Variants in SEPTIN6 observed in about 807,000 individuals in gnomAD.
The protein encoded by SEPTIN6 is septin-6.
A neutral mutation model predicts 33.6 loss-of-function variants in SEPTIN6; 8 were observed. The observed-to-expected ratio is 0.24, with a 90% CI of 0.14 to 0.43. SEPTIN6 has a LOEUF of 0.43. Ranked by LOEUF, SEPTIN6 falls within the 20% of genes least tolerant of loss-of-function variation. The pLI, the probability that SEPTIN6 is intolerant of heterozygous loss-of-function variation, is 1.00. For missense variants in SEPTIN6, 250 were observed against 340.8 expected (o/e 0.73, Z 2.10); for synonymous variants, 131 against 140.0 (o/e 0.94, Z 0.45).
intron 3 of SEPTIN6, among the ~76,000 whole-genome samples, chrX:119,655,167 C>G (rs948904052): frequency 1.8e-5 from 2 of 110,816 alleles, no homozygotes; most frequent in African/African-American, 6.6e-5. Context: ...GCAATTGCCT[C>G]TGGCTCTCGG....
chrX:119,675,863 G>A (rs950920968), intron 1 of SEPTIN6, among the ~76,000 whole-genome samples, 195 bp from the exon 2 acceptor site: 3 of 110,946 alleles, frequency 2.7e-5, no homozygotes, highest in Admixed American at 9.7e-5. Flanking sequence ...TTGGGGACAG[G>A]CATCCTCTAG....
In SEPTIN6 at chrX:119,618,377, C is replaced by T. The variant is rs1043482577; in HGVS notation, c.*1716G>A. On this transcript the variant is annotated 3_prime_UTR_variant, in exon 11 of 11. Transcript: ENST00000394610. ...TCTTGCTTTGTCAACAAGAAAAGTG[C>T]GTGCATATGTTTGCTTTTCATTTTT... 1.8e-5 allele frequency: 15 copies of T among 820,663 alleles called. No homozygotes were observed. Among genetic ancestry groups the T allele is most frequent in the African/African-American group, 2.2e-5 (1 of 46,013 alleles). 67.6% of individuals were successfully genotyped at this position (820,663 alleles called of 1,213,427 possible).
intron 6 of SEPTIN6, among the ~76,000 whole-genome samples, chrX:119,639,767 C>T (rs2147495884): frequency 9.0e-6 from 1 of 111,180 alleles, no homozygotes; most frequent in Non-Finnish European, 1.9e-5. Flanking sequence ...TTTAGTTTTG[C>T]CTCCTTTTGG....
chrX:119,661,077 G>A (rs1195145407), intron 3 of SEPTIN6, among the ~76,000 whole-genome samples: 1 of 91,247 alleles, frequency 1.1e-5, no homozygotes, highest in Non-Finnish European at 2.1e-5. Flanking sequence ...AAGCAGAGAT[G>A]TCTTTTTTCT....
At chrX:119,628,993 C>T in intron 9 of SEPTIN6, 1 of 210,654 alleles carries the variant, frequency 4.7e-6, no homozygotes, top group Non-Finnish European at 8.7e-6. Context: ...TTTTTCTTCC[C>T]TTCTGCTCTC....
chrX:119,624,142 G>C lies in SEPTIN6; in HGVS notation c.*41+1193C>G, dbSNP rs1447840487. On this transcript the variant is annotated intron_variant, in intron 10 of 10. Transcript: ENST00000394610. ...CTTCATTTTCCTCCGCTTTTATTAT[G>C]GGTTTTTTTTTTTTGTTTTTTTTTT... 6 of 199,180 alleles carry C rather than the reference G, an allele frequency of 3.0e-5. No homozygotes were observed. In the East Asian group the frequency reaches 9.3e-4, roughly 31 times the overall value. 16.4% of individuals were successfully genotyped at this position (199,180 alleles called of 1,213,427 possible).
intron 5 of SEPTIN6, among the ~76,000 whole-genome samples, chrX:119,647,123 G>A (rs2147521244): frequency 9.0e-6 from 1 of 110,568 alleles, no homozygotes; most frequent in Admixed American, 9.6e-5. Flanking sequence ...CAGCTACTCG[G>A]GAGGCTGAGG....
chrX:119,653,497 C>A (rs1284925851), intron 3 of SEPTIN6, among the ~76,000 whole-genome samples: 1 of 112,467 alleles, frequency 8.9e-6, no homozygotes, highest in Non-Finnish European at 1.9e-5. Context: ...CCTCGGGGGG[C>A]CCCAACACAG....
intron 5 of SEPTIN6, among the ~76,000 whole-genome samples, chrX:119,647,454 T>C (rs1355363710): frequency 2.0e-5 from 2 of 100,475 alleles, no homozygotes; most frequent in Non-Finnish European, 4.0e-5. Flanking sequence ...TTATTTACTT[T>C]CTTTTTCTTT....
Position 119,663,473 on chromosome X carries a change from C to CAAA in SEPTIN6, c.341+8_341+9insTTT. The CAAA allele has an allele frequency of 8.6e-7, 1 of 1,159,521 alleles. No homozygotes were observed. The highest frequency in any genetic ancestry group is 1.2e-6 in the Non-Finnish European group (1 of 858,438). On this transcript the variant is annotated intron_variant, in intron 3 of 10. Coordinates refer to ENST00000394610, the MANE Select transcript of SEPTIN6 (RefSeq NM_145799.4). ...TCCCCACCCTACCCCACCCCACCGC[C>CAAA]TTCTTTACCTGTCCTCTTTGTTGAT...
At chrX:119,690,356 C>CACACAT (rs1331612027) in intron 1 of SEPTIN6, among the ~76,000 whole-genome samples, 6 of 104,166 alleles carry the variant, frequency 5.8e-5, no homozygotes, top group Admixed American at 2.1e-4. Context: ...CATACACACA[C>CACACAT]ACACACACAC....
At chrX:119,653,139 C>G in intron 3 of SEPTIN6, 99 bp from the exon 4 acceptor site, 1 of 653,729 alleles carries the variant, frequency 1.5e-6, no homozygotes, top group East Asian at 3.4e-5. Flanking sequence ...AATCTTGACT[C>G]TCTCCCATCC....
chrX:119,683,024 G>A (rs952028520), intron 1 of SEPTIN6, among the ~76,000 whole-genome samples: 2 of 111,945 alleles, frequency 1.8e-5, no homozygotes, highest in Admixed American at 9.5e-5. Flanking sequence ...AGGCCAAGGC[G>A]GGCAGATTAC....
intron 1 of SEPTIN6, among the ~76,000 whole-genome samples, chrX:119,680,195 T>TTTTATTTA (rs201992348): frequency 3.5e-3 from 343 of 96,910 alleles, no homozygotes; most frequent in Middle Eastern, 5.0e-3. Flanking sequence ...ACACTCTTAA[T>TTTTATTTA]TTTATTTATT....
At chrX:119,684,793 G>A (rs1478207228) in intron 1 of SEPTIN6, among the ~76,000 whole-genome samples, 1 of 111,718 alleles carries the variant, frequency 9.0e-6, no homozygotes, top group Non-Finnish European at 1.9e-5. Context: ...ACACAGCCAA[G>A]TTCCCACAGG....
At chrX:119,658,383 A>G (rs1402591008) in intron 3 of SEPTIN6, among the ~76,000 whole-genome samples, 1 of 111,806 alleles carries the variant, frequency 8.9e-6, no homozygotes, top group Non-Finnish European at 1.9e-5. Flanking sequence ...ATTCTATTAA[A>G]CTGCCAAACA....
At chrX:119,650,526 T>C (rs1398492102) in intron 4 of SEPTIN6, among the ~76,000 whole-genome samples, 1 of 111,925 alleles carries the variant, frequency 8.9e-6, no homozygotes, top group Non-Finnish European at 1.9e-5. Context: ...TATGTTATCT[T>C]GGTATCAAGG....
intron 5 of SEPTIN6, among the ~76,000 whole-genome samples, chrX:119,641,243 TC>T (rs1281139968): frequency 1.8e-5 from 2 of 111,083 alleles, no homozygotes; most frequent in South Asian, 7.5e-4. Context: ...CAAGACTAGG[TC>T]CATACTGAGA....
chrX:119,617,785 C>T lies in SEPTIN6; in HGVS notation c.*2308G>A. The stretch of plus-strand genomic sequence containing the variant: ...TCCCTTCTCTGGGCCTTCATTTCCC[C>T]TTACGGAGTAAGTAGGTTATATCGT... On this transcript the variant is annotated 3_prime_UTR_variant, in exon 11 of 11. Transcript: ENST00000394610. 1 of 787,836 alleles carries T rather than the reference C, an allele frequency of 1.3e-6. No homozygotes were observed. Among genetic ancestry groups the T allele is most frequent in the East Asian group, 7.0e-5 (1 of 14,349 alleles). 64.9% of individuals were successfully genotyped at this position (787,836 alleles called of 1,213,427 possible).
Sources: gnomAD v4.1 joint callset for allele counts (sites outside exome capture counted in the v4.1 genomes callset) on GRCh38, gnomAD v4.1.1 for gene constraint, MANE v1.5 for transcripts, NCBI Gene and HGNC (gene_info 2026-07-23, HGNC 2026-07-21) for gene names.